Variants in ARMH3 observed in about 807,000 individuals in gnomAD.
ARMH3 encodes the protein armadillo-like helical domain-containing protein 3.
A neutral mutation model predicts 99.1 loss-of-function variants in ARMH3; 60 were observed. That is an observed-to-expected ratio of 0.61 (90% CI 0.49 to 0.75). The LOEUF is 0.75. ARMH3 is among the 30% of genes least tolerant of loss of function. The pLI is 0.00. For synonymous variants in ARMH3, 285 were observed against 292.8 expected, an observed-to-expected ratio of 0.97 and a Z score of 0.27; for missense variants, 679 against 843.1, an observed-to-expected ratio of 0.81 and a Z score of 2.41.
intron 20 of ARMH3, among the ~76,000 whole-genome samples, chr10:101,958,143 G>A (rs1845123804): frequency 6.6e-6 from 1 of 152,162 alleles, no homozygotes; most frequent in Non-Finnish European, 1.5e-5. Context: ...CTTTAGACAT[G>A]TATCTGTTTC....
chr10:101,922,683 T>G (rs1014918880), intron 23 of ARMH3, among the ~76,000 whole-genome samples: 1 of 152,206 alleles, frequency 6.6e-6, no homozygotes, highest in Non-Finnish European at 1.5e-5. Flanking sequence ...TTCAGATTAA[T>G]TGGGTAAAAG....
intron 23 of ARMH3, among the ~76,000 whole-genome samples, chr10:101,914,102 T>C (rs757908755): frequency 2.0e-5 from 3 of 152,194 alleles, no homozygotes; most frequent in African/African-American, 7.2e-5. Flanking sequence ...TTGGCCAAGA[T>C]GAACCTTCAT....
intron 20 of ARMH3, among the ~76,000 whole-genome samples, chr10:101,973,981 A>AT (rs2135916382): frequency 6.6e-6 from 1 of 152,316 alleles, no homozygotes; most frequent in South Asian, 2.1e-4. Flanking sequence ...AGTCCTTTAT[A>AT]TTAAAAGGAG....
At chr10:101,925,356 A>G (rs1843468466) in intron 23 of ARMH3, among the ~76,000 whole-genome samples, 1 of 152,238 alleles carries the variant, frequency 6.6e-6, no homozygotes, top group African/African-American at 2.4e-5. Context: ...CCCTAACACC[A>G]TATTTTAGGA....
At chr10:101,941,572 C>T (rs960659975) in intron 22 of ARMH3, among the ~76,000 whole-genome samples, 1 of 152,166 alleles carries the variant, frequency 6.6e-6, no homozygotes, top group Non-Finnish European at 1.5e-5. Flanking sequence ...GGCTGCTCTA[C>T]GTCTGTTCCA....
At chr10:101,897,009 G>T (rs749087304) in intron 23 of ARMH3, among the ~76,000 whole-genome samples, 5 of 152,196 alleles carry the variant, frequency 3.3e-5, no homozygotes, top group Admixed American at 1.3e-4. Flanking sequence ...AGGATGTTGA[G>T]GGGGGTGGCA....
chr10:102,035,474 C>T (rs549971064), intron 2 of ARMH3, among the ~76,000 whole-genome samples: 2 of 152,366 alleles, frequency 1.3e-5, no homozygotes, highest in East Asian at 3.9e-4. Flanking sequence ...GACTGTACTG[C>T]TGCCATCTCG....
chr10:101,854,841 G>A (rs535512165), intron 24 of ARMH3, among the ~76,000 whole-genome samples: 11 of 152,026 alleles, frequency 7.2e-5, no homozygotes, highest in African/African-American at 2.7e-4. Context: ...TAAGGCTGAT[G>A]TGAGGATAAC....
chr10:102,010,091 G>T, intron 11 of ARMH3, 68 bp from the exon 12 acceptor site: 1 of 1,476,894 alleles, frequency 6.8e-7, no homozygotes, highest in Non-Finnish European at 9.4e-7. Flanking sequence ...TGCCTAGGAA[G>T]CCTTTTATCA....
chr10:101,879,605 G>A lies in ARMH3; in HGVS notation c.1860+9807C>T, dbSNP rs541470881. ...GGCCCCAGTTGATCCGCCCACCTCG[G>A]CCTCCAAAAGTGCTGGGACTACAGG... On this transcript the variant is annotated intron_variant, in intron 24 of 25. Transcript: ENST00000370033. Among the ~76,000 whole-genome samples, 7 of 152,214 alleles carry A rather than the reference G, an allele frequency of 4.6e-5. No individual in the cohort carries two copies. In the East Asian group the frequency reaches 1.4e-3, roughly 29 times the overall value.
chr10:102,010,776 T>C (rs1196710273), intron 11 of ARMH3, among the ~76,000 whole-genome samples: 6 of 152,202 alleles, frequency 3.9e-5, no homozygotes, highest in African/African-American at 1.2e-4. Context: ...AGCAGTATAA[T>C]TGTATCTAAT....
chr10:101,933,779 A>G (rs983337013), intron 23 of ARMH3, among the ~76,000 whole-genome samples: 3 of 152,208 alleles, frequency 2.0e-5, no homozygotes, highest in Admixed American at 6.5e-5. Flanking sequence ...AGAGCAGACA[A>G]CTGCAGAATA....
intron 17 of ARMH3, 151 bp downstream of exon 17, chr10:101,993,387 C>T (rs1394049046): frequency 2.1e-6 from 1 of 474,524 alleles, no homozygotes; most frequent in African/African-American, 2.0e-5. Flanking sequence ...ATCCCAACAA[C>T]AAGCATGGGT....
intron 19 of ARMH3, among the ~76,000 whole-genome samples, chr10:101,985,289 T>TAC (rs1342592043): frequency 6.7e-5 from 9 of 134,102 alleles, no homozygotes; most frequent in African/African-American, 1.9e-4. Context: ...TATACGTATA[T>TAC]ACACACGTAT....
intron 25 of ARMH3, among the ~76,000 whole-genome samples, 193 bp downstream of exon 25, chr10:101,849,580 AAGG>A (rs2066538741): frequency 6.6e-6 from 1 of 152,232 alleles, no homozygotes; most frequent in South Asian, 2.1e-4. Context: ...CATGGCTGCA[AAGG>A]AGAAGTAGGC....
chr10:101,948,072 C>T (rs912228169), intron 22 of ARMH3, among the ~76,000 whole-genome samples: 3 of 151,972 alleles, frequency 2.0e-5, no homozygotes, highest in Admixed American at 6.6e-5. Flanking sequence ...AAACAAAATA[C>T]GTGGTAGAAC....
intron 23 of ARMH3, among the ~76,000 whole-genome samples, chr10:101,896,703 C>T (rs903088658): frequency 2.0e-5 from 3 of 152,186 alleles, no homozygotes; most frequent in African/African-American, 7.2e-5. Context: ...TTTTCTAAAG[C>T]TTGCATATGT....
intron 13 of ARMH3, among the ~76,000 whole-genome samples, chr10:102,007,850 A>G (rs2066539815): frequency 6.7e-6 from 1 of 150,338 alleles, no homozygotes; most frequent in Non-Finnish European, 1.5e-5. Flanking sequence ...AAAAAAAAAA[A>G]AAAAAAGCAA....
At chr10:101,875,444 A>G (rs2067237589) in intron 24 of ARMH3, among the ~76,000 whole-genome samples, 1 of 152,192 alleles carries the variant, frequency 6.6e-6, no homozygotes, top group African/African-American at 2.4e-5. Context: ...TAGACTACAG[A>G]TAGTTGTTCT....
Sources: allele counts gnomAD v4.1 joint callset (sites outside exome capture counted in the v4.1 genomes callset), GRCh38; gene constraint gnomAD v4.1.1; transcripts MANE v1.5; gene names NCBI Gene and HGNC (gene_info 2026-07-23, HGNC 2026-07-21).